The following ANK2 variants were observed in gnomAD, a reference collection of about 807,000 sequenced individuals.
ANK2 encodes the protein ankyrin 2, also known as ankyrin-2.
Under a neutral mutation model 360.5 loss-of-function variants are expected in ANK2, and 83 were observed. That is an observed-to-expected ratio of 0.23 (90% CI 0.19 to 0.28). The LOEUF is 0.28. Among genes scored for constraint, ANK2 ranks in the 10% least tolerant of loss-of-function variants. The pLI is 1.00. For synonymous variants in ANK2, 1,740 were observed against 1,759.5 expected (o/e 0.99, Z 0.28); for missense variants, 4,201 against 4,795.7 (o/e 0.88, Z 3.66).
chr4:112,871,545 AT>A (rs2073052995), intron 1 of ANK2, among the ~76,000 whole-genome samples: 1 of 152,088 alleles, frequency 6.6e-6, no homozygotes, highest in South Asian at 2.1e-4. Context: ...AAATTGTGTT[AT>A]TTGCAAATAA....
rs1168961399 is a variant in ANK2, at chr4:112,866,656, T to C, written c.-39-37799T>C. 3.3e-5 allele frequency among the ~76,000 whole-genome samples: 5 copies of C among 152,164 alleles called. No individual in the cohort carries two copies. In the East Asian group the frequency reaches 9.6e-4, roughly 29 times the overall value. On this transcript the variant is annotated intron_variant, in intron 1 of 30. Transcript: ENST00000503271. Reference sequence around the variant, plus strand: ...AAAGTTAATTAATCAATGTTAACATTGGTATAAACTTTTTGTATGTTTTTT... The same window carrying C: ...AAAGTTAATTAATCAATGTTAACATCGGTATAAACTTTTTGTATGTTTTTT...
At chr4:113,270,469 T>C (rs757830960) in intron 14 of ANK2, among the ~76,000 whole-genome samples, 2 of 152,234 alleles carry the variant, frequency 1.3e-5, no homozygotes, top group Non-Finnish European at 2.9e-5. Context: ...TCTACTTTTT[T>C]ACTTCTCTTT....
At chr4:112,955,308 T>C (rs761834674) in intron 2 of ANK2, among the ~76,000 whole-genome samples, 1 of 152,126 alleles carries the variant, frequency 6.6e-6, no homozygotes, top group Non-Finnish European at 1.5e-5. Context: ...CAAAGTAACC[T>C]AGGCCTAAGG....
the ANK2 span, among the ~76,000 whole-genome samples, chr4:112,763,774 C>A: frequency 7.2e-5 from 11 of 152,052 alleles, no homozygotes; most frequent in African/African-American, 2.7e-4. Context: ...CCCGCCTCGG[C>A]CTCCCAAAGT....
intron 1 of ANK2, among the ~76,000 whole-genome samples, chr4:112,872,080 G>A (rs1402859492): frequency 6.7e-6 from 1 of 150,028 alleles, no homozygotes; most frequent in African/African-American, 2.5e-5. Flanking sequence ...AGCCTGGAGT[G>A]CAGAGGTGCA....
chr4:112,772,968 A>C, the ANK2 span, among the ~76,000 whole-genome samples: 1 of 152,214 alleles, frequency 6.6e-6, no homozygotes, highest in Admixed American at 6.5e-5. Flanking sequence ...ATATGTACCA[A>C]CTGAGAACCT....
intron 22 of ANK2, among the ~76,000 whole-genome samples, chr4:113,300,738 A>G (rs553362541): frequency 6.6e-6 from 1 of 152,322 alleles, no homozygotes; most frequent in African/African-American, 2.4e-5. Context: ...GCATGAGAGA[A>G]CATGACCTGT....
intron 1 of ANK2, among the ~76,000 whole-genome samples, chr4:112,828,820 T>C (rs184230565): frequency 1.3e-3 from 191 of 152,274 alleles, no homozygotes; most frequent in African/African-American, 4.4e-3. Flanking sequence ...CCGGAATCTA[T>C]AAGGCACTTA....
chr4:113,019,978 C>A (rs1048574368), intron 2 of ANK2, among the ~76,000 whole-genome samples: 11 of 151,956 alleles, frequency 7.2e-5, no homozygotes, highest in Non-Finnish European at 1.5e-4. Flanking sequence ...GTGAAAGATA[C>A]ATAGGTCTTG....
At chr4:112,860,547 G>C (rs2067686294) in intron 1 of ANK2, among the ~76,000 whole-genome samples, 1 of 152,138 alleles carries the variant, frequency 6.6e-6, no homozygotes, top group Non-Finnish European at 1.5e-5. Flanking sequence ...AAAGACACTT[G>C]AACCCTCTAG....
chr4:113,211,124 A>G (rs1025169354), intron 4 of ANK2, among the ~76,000 whole-genome samples: 2 of 152,220 alleles, frequency 1.3e-5, no homozygotes, highest in Non-Finnish European at 2.9e-5. Flanking sequence ...ACCAAATTCT[A>G]TACATTCAAC....
Position 113,154,964 on chromosome 4 carries a change from A to T in ANK2, c.85-19452A>T, listed in dbSNP as rs116485824. 9.5e-3 allele frequency among the ~76,000 whole-genome samples: 1,447 copies of T among 152,344 alleles called. 17 individuals carry two copies. The highest frequency in any genetic ancestry group is 0.033 in the African/African-American group (1,352 of 41,582). ...AACCACTTCATCTGGCATTGGGACC[A>T]GATCTATTCTACCCAGGATCACAAG... On this transcript the variant is annotated intron_variant, in intron 1 of 45. Transcript: ENST00000357077.
At chr4:113,137,386 A>C (rs1281208229) in intron 1 of ANK2, among the ~76,000 whole-genome samples, 1 of 152,176 alleles carries the variant, frequency 6.6e-6, no homozygotes, top group Non-Finnish European at 1.5e-5. Flanking sequence ...CAAACACTTC[A>C]AGATTGTCAG....
intron 18 of ANK2, 134 bp from the exon 19 acceptor site, chr4:113,287,471 G>T (rs1453782235): frequency 1.2e-5 from 9 of 739,640 alleles, no homozygotes; most frequent in Non-Finnish European, 2.1e-5. Flanking sequence ...AATATCAGAA[G>T]ATATAGTTTC....
chr4:113,292,420 G>A lies in ANK2; in HGVS notation c.2282G>A (p.Gly761Asp). 1 of 1,609,426 alleles carries A rather than the reference G, an allele frequency of 6.2e-7. No homozygotes were observed. Among genetic ancestry groups the A allele is most frequent in the African/African-American group, 1.3e-5 (1 of 74,890 alleles). ...CGCCACCACTGTCCTCCACAGAACG[G>A]CTACACGCCTTTGCACCAGGCCGCT... Reference protein sequence around the residue: ...GANVNAKTKNGYTPLHQAAQQ... With the variant: ...GANVNAKTKNDYTPLHQAAQQ... Residue 761 changes from glycine to aspartate, a missense_variant, in exon 21 of 46, where the codon GGC becomes GAC. Coordinates refer to ENST00000357077, the MANE Select transcript of ANK2 (RefSeq NM_001148.6).
At chr4:113,138,213 A>G (rs2096511401) in intron 1 of ANK2, among the ~76,000 whole-genome samples, 1 of 152,206 alleles carries the variant, frequency 6.6e-6, no homozygotes. Flanking sequence ...ATGAAATTCA[A>G]GTTCTTTTTG....
At chr4:112,805,215 A>G in the ANK2 span, among the ~76,000 whole-genome samples, 1 of 152,196 alleles carries the variant, frequency 6.6e-6, no homozygotes, top group Admixed American at 6.5e-5. Flanking sequence ...CAAATGAAAG[A>G]CACGTATAAT....
intron 9 of ANK2, among the ~76,000 whole-genome samples, chr4:113,246,501 G>T (rs362501): frequency 0.054 from 8,284 of 152,136 alleles, 326 homozygotes; most frequent in African/African-American, 0.098. Flanking sequence ...TATAGCTAGT[G>T]AAAATGAAAT....
At chr4:113,181,221 T>C (rs1265132562) in intron 2 of ANK2, among the ~76,000 whole-genome samples, 3 of 152,298 alleles carry the variant, frequency 2.0e-5, no homozygotes, top group African/African-American at 4.8e-5. Context: ...ATTATTTCTA[T>C]GACTGTCTTA....
Sources: allele counts gnomAD v4.1 joint callset (sites outside exome capture counted in the v4.1 genomes callset), GRCh38; gene constraint gnomAD v4.1.1; transcripts MANE v1.5; gene names NCBI Gene and HGNC (gene_info 2026-07-23, HGNC 2026-07-21).